The following KLHL20 variants were observed in gnomAD, a reference collection of about 807,000 sequenced individuals.
KLHL20 encodes kelch-like protein 20.
Under a neutral mutation model 69.5 loss-of-function variants are expected in KLHL20, and 29 were observed. The observed-to-expected ratio is 0.42, with a 90% CI of 0.31 to 0.57. The LOEUF (loss-of-function observed/expected upper bound fraction) is 0.57. Ranked by LOEUF, KLHL20 falls within the 20% of genes least tolerant of loss-of-function variation. The pLI is 0.18. For synonymous variants in KLHL20, 253 were observed against 265.2 expected, an observed-to-expected ratio of 0.95 and a Z score of 0.45; for missense variants, 419 against 776.0, an observed-to-expected ratio of 0.54 and a Z score of 5.47.
At chr1:173,723,694 G>T (rs1263288061) in intron 2 of KLHL20, among the ~76,000 whole-genome samples, 2 of 152,168 alleles carry the variant, frequency 1.3e-5, no homozygotes, top group Non-Finnish European at 2.9e-5. Flanking sequence ...CTCACATGAG[G>T]CTGACCTAAA....
intron 3 of KLHL20, among the ~76,000 whole-genome samples, chr1:173,746,429 A>G (rs1484528045): frequency 1.3e-5 from 2 of 152,054 alleles, no homozygotes; most frequent in Non-Finnish European, 2.9e-5. Flanking sequence ...ATTTATTGTT[A>G]AGTTTTTCTG....
chr1:173,754,695 A>G (rs1334622049), intron 5 of KLHL20, among the ~76,000 whole-genome samples: 2 of 152,216 alleles, frequency 1.3e-5, no homozygotes, highest in Non-Finnish European at 2.9e-5. Flanking sequence ...TGAAGAAATA[A>G]TACATAGATG....
At chr1:173,733,359 A>G (rs575418221) in intron 2 of KLHL20, among the ~76,000 whole-genome samples, 7 of 152,294 alleles carry the variant, frequency 4.6e-5, no homozygotes, top group Admixed American at 3.9e-4. Context: ...AAATTTAACT[A>G]TTAATTGAAG....
intron 5 of KLHL20, 99 bp from the exon 6 acceptor site, chr1:173,755,823 CT>C: frequency 1.4e-6 from 1 of 700,770 alleles, no homozygotes; most frequent in Non-Finnish European, 2.4e-6. Context: ...TTGATTTATG[CT>C]TGCTTCCCTT....
intron 2 of KLHL20, among the ~76,000 whole-genome samples, chr1:173,727,824 A>T (rs1400231818): frequency 2.0e-5 from 3 of 152,354 alleles, no homozygotes; most frequent in South Asian, 2.1e-4. Context: ...CATCAAGGCT[A>T]GGAAGAAACT....
chr1:173,752,803 T>C (rs552579500), intron 4 of KLHL20, among the ~76,000 whole-genome samples: 25 of 152,296 alleles, frequency 1.6e-4, no homozygotes, highest in Non-Finnish European at 3.1e-4. Flanking sequence ...CCCAAAACAA[T>C]TGGAAGCACA....
At chr1:173,722,951 A>G (rs922382221) in intron 2 of KLHL20, among the ~76,000 whole-genome samples, 5 of 152,086 alleles carry the variant, frequency 3.3e-5, no homozygotes, top group Non-Finnish European at 7.4e-5. Context: ...CTGCCTCCCA[A>G]AGTGCTGGGA....
At chr1:173,732,774 C>T (rs975262164) in intron 2 of KLHL20, among the ~76,000 whole-genome samples, 5 of 151,830 alleles carry the variant, frequency 3.3e-5, no homozygotes, top group East Asian at 1.9e-4. Context: ...ATAATCATAC[C>T]GAAACCTCAG....
intron 3 of KLHL20, among the ~76,000 whole-genome samples, chr1:173,743,104 A>G (rs887634177): frequency 2.4e-4 from 29 of 119,664 alleles, no homozygotes; most frequent in African/African-American, 1.0e-3. Context: ...AGCATAGGGT[A>G]TAATAAGGAA....
In KLHL20 at chr1:173,773,435, TTAAA is replaced by T. The variant is rs1016815896; in HGVS notation, c.1296-859_1296-856del. Among the ~76,000 whole-genome samples, 298 of 149,680 alleles carry T rather than the reference TTAAA, an allele frequency of 2.0e-3. No homozygotes were observed. The Middle Eastern group carries it at 0.028, about 14-fold the overall frequency. On this transcript the variant is annotated intron_variant, in intron 8 of 11. Coordinates refer to ENST00000209884, the MANE Select transcript of KLHL20 (RefSeq NM_014458.4). Reference sequence around the variant, plus strand: ...CTATTTTTAAATAAATAAATATTAATTAAATAAATAAATATTAATTAAAATTTTT... The same window carrying T: ...CTATTTTTAAATAAATAAATATTAATTAAATAAATATTAATTAAAATTTTT...
At chr1:173,781,564 C>A (rs1648879649) in intron 10 of KLHL20, among the ~76,000 whole-genome samples, 1 of 152,164 alleles carries the variant, frequency 6.6e-6, no homozygotes, top group South Asian at 2.1e-4. Flanking sequence ...GATCCACCGA[C>A]CTCAGCCTCC....
chr1:173,749,044 G>C (rs1471279643), intron 3 of KLHL20, among the ~76,000 whole-genome samples: 1 of 152,066 alleles, frequency 6.6e-6, no homozygotes, highest in African/African-American at 2.4e-5. Context: ...TGAAATCCCA[G>C]TAAGGAAATC....
rs534528269 is a variant in KLHL20, at chr1:173,733,833, C to T, written c.144C>T (p.Asp48=). 1.2e-6 allele frequency: 2 copies of T among 1,614,122 alleles called. No individual in the cohort carries two copies. Among genetic ancestry groups the T allele is most frequent in the Admixed American group, 1.7e-5 (1 of 60,008 alleles). ...CTGCCCGCATGCCCTATATCTCAGA[C>T]AAGCACCCTCGACAAACCTTGGAAG... ...PQPARMPYIS[D]KHPRQTLEVI... Residue 48 remains aspartate (D), a synonymous_variant, in exon 3 of 12, where the codon GAC becomes GAT. Transcript: ENST00000209884.
At chr1:173,757,309 T>A in intron 7 of KLHL20, 150 bp downstream of exon 7, 1 of 695,098 alleles carries the variant, frequency 1.4e-6, no homozygotes. Context: ...CACAAATTCT[T>A]TATGATCTGG....
Position 173,785,158 on chromosome 1 carries a change from T to C in KLHL20, c.1746-5T>C, listed in dbSNP as rs74619803. 4 of 1,609,282 alleles carry C rather than the reference T, an allele frequency of 2.5e-6. No individual in the cohort carries two copies. In the East Asian group the frequency reaches 9.0e-5, roughly 36 times the overall value. On this transcript the variant is annotated splice_region_variant and splice_polypyrimidine_tract_variant and intron_variant, in intron 11 of 11. Coordinates refer to ENST00000209884, the MANE Select transcript of KLHL20 (RefSeq NM_014458.4). ...GAAAATATGATTATGTTTCTTTCTTTGCAGGTTATATGGCGGGATGAATTA... is the reference window on the plus strand; with the variant it reads ...GAAAATATGATTATGTTTCTTTCTTCGCAGGTTATATGGCGGGATGAATTA...
At chr1:173,784,224 G>A (rs1212002316) in intron 11 of KLHL20, among the ~76,000 whole-genome samples, 3 of 152,180 alleles carry the variant, frequency 2.0e-5, no homozygotes, top group Non-Finnish European at 4.4e-5. Context: ...ACAGGGAGGG[G>A]AATCTGTTTT....
chr1:173,758,509 C>T (rs7542542), intron 7 of KLHL20, among the ~76,000 whole-genome samples: 3,855 of 152,288 alleles, frequency 0.025, 174 homozygotes, highest in African/African-American at 0.089. Flanking sequence ...AGAAAGCGGA[C>T]TGCTCCTGCA....
chr1:173,716,462 T>G (rs1490983653), intron 2 of KLHL20, among the ~76,000 whole-genome samples: 1 of 152,192 alleles, frequency 6.6e-6, no homozygotes, highest in African/African-American at 2.4e-5. Flanking sequence ...ATTATGGTTT[T>G]GGTTATTTCC....
chr1:173,735,936 C>CTTT (rs769632286), intron 3 of KLHL20, among the ~76,000 whole-genome samples: 1,085 of 105,954 alleles, frequency 0.01, 36 homozygotes, highest in Admixed American at 0.013. Flanking sequence ...GCCATTCTAT[C>CTTT]TTTTTTTTTT....
Sources: allele counts gnomAD v4.1 joint callset (sites outside exome capture counted in the v4.1 genomes callset), GRCh38; gene constraint gnomAD v4.1.1; transcripts MANE v1.5; gene names NCBI Gene and HGNC (gene_info 2026-07-23, HGNC 2026-07-21).